SLC9A1: variants seen among roughly 807,000 people sequenced by gnomAD.
SLC9A1 encodes the protein solute carrier family 9 member A1.
In SLC9A1, 22 loss-of-function variants were observed where a neutral mutation model predicts 67.9. The observed-to-expected ratio is 0.32, with a 90% CI of 0.23 to 0.46. SLC9A1 has a LOEUF of 0.46. Among genes scored for constraint, SLC9A1 ranks in the 20% least tolerant of loss-of-function variants. SLC9A1 has a pLI of 1.00. For missense variants in SLC9A1, 686 were observed against 1,094.8 expected (o/e 0.63, Z 5.27); for synonymous variants, 421 against 471.8 (o/e 0.89, Z 1.40).
chr1:27,099,310 C>G lies in SLC9A1; in HGVS notation c.*997G>C, dbSNP rs1193410771. On this transcript the variant is annotated 3_prime_UTR_variant, in exon 12 of 12. Coordinates refer to ENST00000263980, the MANE Select transcript of SLC9A1 (RefSeq NM_003047.5). The stretch of plus-strand genomic sequence containing the variant: ...CAAGAGCTAGGCAGGTGCCAAGAGG[C>G]CAGCATCTGTGAGGCTGGAGAGACT... 6.5e-6 allele frequency: 1 copy of G among 152,886 alleles called. No individual in the cohort carries two copies. The highest frequency in any genetic ancestry group is 1.5e-5 in the Non-Finnish European group (1 of 68,238). 9.5% of individuals were successfully genotyped at this position (152,886 alleles called of 1,614,324 possible). A position where few individuals can be genotyped will look rare whatever the true frequency, so the allele number is the denominator to read the frequency against.
chr1:27,154,568 G>A lies in SLC9A1; in HGVS notation c.-234C>T. On this transcript the variant is annotated 5_prime_UTR_variant, in exon 1 of 12. Transcript: ENST00000263980. ...CAAGGACCCAGGAACGACCACGAAA[G>A]GAGACCAAAAGGTCTGGAACTCCGG... is the stretch of plus-strand genomic sequence containing the variant. 2.1e-6 allele frequency: 1 copy of A among 471,400 alleles called. No homozygotes were observed. Among genetic ancestry groups the A allele is most frequent in the Non-Finnish European group, 3.8e-6 (1 of 265,382 alleles). The allele number at this position is 471,400 out of a possible 1,614,324, so 29.2% of individuals were successfully genotyped here.
At chr1:27,146,980 A>G (rs2083489832) in intron 1 of SLC9A1, among the ~76,000 whole-genome samples, 1 of 152,030 alleles carries the variant, frequency 6.6e-6, no homozygotes, top group Non-Finnish European at 1.5e-5. Flanking sequence ...TACTAAAAAT[A>G]CAAAAATTAG....
intron 5 of SLC9A1, 134 bp from the exon 6 acceptor site, chr1:27,103,446 T>C (rs2124131584): frequency 1.4e-6 from 1 of 713,874 alleles, no homozygotes; most frequent in Non-Finnish European, 2.6e-6. Context: ...GACCCAAGGG[T>C]GTGAGAACTC....
chr1:27,144,020 T>C (rs2083467191), intron 1 of SLC9A1, among the ~76,000 whole-genome samples: 1 of 152,182 alleles, frequency 6.6e-6, no homozygotes, highest in Non-Finnish European at 1.5e-5. Context: ...ATTTTTGTTG[T>C]TTTGTTTTTA....
intron 1 of SLC9A1, among the ~76,000 whole-genome samples, chr1:27,115,239 T>A (rs1461438420): frequency 2.0e-5 from 3 of 151,984 alleles, no homozygotes; most frequent in African/African-American, 7.3e-5. Context: ...CCACCAGCCA[T>A]CTCCCCAGGC....
chr1:27,154,002 CAGA>C lies in SLC9A1; in HGVS notation c.330_332del (p.Leu111del). On this transcript the variant is annotated inframe_deletion, in exon 1 of 12. Transcript: ENST00000263980. ...ACTTACCTATCTTCATGAGGCAGGCCAGAAGGATCCAGAGGGAGATCTCGAAGG... is the reference window on the plus strand; with the variant it reads ...ACTTACCTATCTTCATGAGGCAGGCCAGGATCCAGAGGGAGATCTCGAAGG... The C allele has an allele frequency of 6.4e-7, 1 of 1,573,462 alleles. No homozygotes were observed. Among genetic ancestry groups the C allele is most frequent in the Non-Finnish European group, 8.7e-7 (1 of 1,154,912 alleles).
At chr1:27,141,293 C>T (rs1212644047) in intron 1 of SLC9A1, among the ~76,000 whole-genome samples, 1 of 152,218 alleles carries the variant, frequency 6.6e-6, no homozygotes, top group African/African-American at 2.4e-5. Flanking sequence ...GAGATTTGAA[C>T]CCAGGTCTGT....
chr1:27,153,953 G>A (rs751173280), intron 1 of SLC9A1, 30 bp downstream of exon 1: 58 of 1,443,692 alleles, frequency 4.0e-5, no homozygotes, highest in Non-Finnish European at 5.4e-5. Flanking sequence ...GTCTGGTGGC[G>A]GCCGCAGCAT....
intron 1 of SLC9A1, among the ~76,000 whole-genome samples, chr1:27,133,463 G>C (rs1199560782): frequency 6.6e-6 from 1 of 152,124 alleles, no homozygotes; most frequent in Non-Finnish European, 1.5e-5. Context: ...CCCAAACACT[G>C]AGCTAGAAGA....
chr1:27,115,776 C>T (rs1378096146), intron 1 of SLC9A1, among the ~76,000 whole-genome samples: 1 of 152,126 alleles, frequency 6.6e-6, no homozygotes, highest in Non-Finnish European at 1.5e-5. Context: ...TCTCTCTCCT[C>T]CCCTTCCCTA....
At chr1:27,143,134 T>C (rs538047724) in intron 1 of SLC9A1, among the ~76,000 whole-genome samples, 61 of 151,906 alleles carry the variant, frequency 4.0e-4, no homozygotes, top group African/African-American at 1.4e-3. Context: ...CTGCAGACTA[T>C]TTTGGGAGCT....
rs72880846 is a variant in SLC9A1 at position 27,141,579 on chromosome 1, C to T, written c.352+12404G>A. On this transcript the variant is annotated intron_variant, in intron 1 of 11. Coordinates refer to ENST00000263980, the MANE Select transcript of SLC9A1 (RefSeq NM_003047.5). ...GTAGAATTCCATCTGCACTTCAAATCACACCCCCTTTCTACTGTCTGACTG... is the reference window on the plus strand; with the variant it reads ...GTAGAATTCCATCTGCACTTCAAATTACACCCCCTTTCTACTGTCTGACTG... 9.5e-3 allele frequency among the ~76,000 whole-genome samples: 1,450 copies of T among 152,348 alleles called. 28 individuals are homozygous for T. Among genetic ancestry groups the T allele is most frequent in the African/African-American group, 0.033 (1,392 of 41,568 alleles).
At position 27,101,852 on chromosome 1, in the gene SLC9A1, G is replaced by C. The variant is rs376054949; in HGVS notation, c.1936-26C>G. 82 of 1,570,874 alleles carry C rather than the reference G, an allele frequency of 5.2e-5. No individual in the cohort carries two copies. Among genetic ancestry groups the C allele is most frequent in the Non-Finnish European group, 6.6e-5 (76 of 1,143,604 alleles). On this transcript the variant is annotated intron_variant, in intron 9 of 11. Coordinates refer to ENST00000263980, the MANE Select transcript of SLC9A1 (RefSeq NM_003047.5). This position sits in a 1 kb window ranked among gnomAD's most constrained non-coding sequence, Gnocchi z 4.9. ...CTGTGGGAGGGACAGCGTCAGGGCA[G>C]TGCGGGCCCCGGAAGGCTCTGCTCA...
intron 5 of SLC9A1, chr1:27,103,519 G>A (rs1020402522): frequency 5.2e-6 from 3 of 582,002 alleles, no homozygotes; most frequent in African/African-American, 3.7e-5. Flanking sequence ...TGGAGACACG[G>A]TCAGAGGTTT....
In SLC9A1 at chr1:27,154,368, C is replaced by T. The variant is rs2083552093; in HGVS notation, c.-34G>A. The T allele has an allele frequency of 6.9e-7, 1 of 1,440,522 alleles. No individual in the cohort carries two copies. The highest frequency in any genetic ancestry group is 9.4e-7 in the Non-Finnish European group (1 of 1,058,224). The allele number at this position is 1,440,522 out of a possible 1,614,324, so 89.2% of individuals were successfully genotyped here. A position where few individuals can be genotyped will look rare whatever the true frequency, so the allele number is the denominator to read the frequency against. The stretch of plus-strand genomic sequence containing the variant: ...TTCCAGAGCCAGCCTCGACCTTACC[C>T]AAATGAGAGTAAAACCGGGCACATA... On this transcript the variant is annotated 5_prime_UTR_variant, in exon 1 of 12. Transcript: ENST00000263980.
intron 5 of SLC9A1, 175 bp downstream of exon 5, chr1:27,105,710 C>A (rs758649593): frequency 2.8e-6 from 2 of 719,990 alleles, no homozygotes; most frequent in Non-Finnish European, 5.2e-6. Flanking sequence ...TCTCACTTTA[C>A]GATTGAAGAA....
rs1364462250 is a variant in SLC9A1, at chr1:27,114,388, T to C, written c.353-102A>G. 2 of 873,318 alleles carry C rather than the reference T, an allele frequency of 2.3e-6. No homozygotes were observed. Among genetic ancestry groups the C allele is most frequent in the Admixed American group, 5.2e-5 (2 of 38,638 alleles). The allele number at this position is 873,318 out of a possible 1,614,324, so 54.1% of individuals were successfully genotyped here. On this transcript the variant is annotated intron_variant, in intron 1 of 11. Transcript: ENST00000263980. The surrounding 1 kb of genome is among the most constrained non-coding windows in gnomAD (Gnocchi z 5.4). ...GATGAGGAGCGCAGTTGGTGAGAGG[T>C]GCACAGGCTGGGTCTCAGAGGGCTG... is the stretch of plus-strand genomic sequence containing the variant.
intron 1 of SLC9A1, among the ~76,000 whole-genome samples, chr1:27,120,903 T>C (rs1399974408): frequency 1.3e-5 from 2 of 152,116 alleles, no homozygotes; most frequent in Non-Finnish European, 1.5e-5. Context: ...GAGAGGTAAC[T>C]TGTCCAAGGC....
At chr1:27,147,578 G>C (rs2083496437) in intron 1 of SLC9A1, among the ~76,000 whole-genome samples, 1 of 152,116 alleles carries the variant, frequency 6.6e-6, no homozygotes, top group Non-Finnish European at 1.5e-5. Context: ...TGAGGCGGGA[G>C]GATCATTTGA....
Sources: allele counts gnomAD v4.1 joint callset (sites outside exome capture counted in the v4.1 genomes callset), GRCh38; gene constraint gnomAD v4.1.1; non-coding constraint Gnocchi (gnomAD v3.1); transcripts MANE v1.5; gene names NCBI Gene and HGNC (gene_info 2026-07-23, HGNC 2026-07-21).